DIS3: variants seen among roughly 807,000 people sequenced by gnomAD.
DIS3 encodes the protein DIS3 exosome endoribonuclease and 3'-5' exoribonuclease, also known as exosome complex exonuclease RRP44.
In DIS3, 103 loss-of-function variants were observed where a neutral mutation model predicts 113.0. That is an observed-to-expected ratio of 0.91 (90% CI 0.78 to 1.07). The LOEUF is 1.07. Ranked by LOEUF, DIS3 falls within the 50% of genes least tolerant of loss-of-function variation. The pLI, the probability that DIS3 is intolerant of heterozygous loss-of-function variation, is 0.00. For synonymous variants in DIS3, 402 were observed against 394.3 expected, an observed-to-expected ratio of 1.02 and a Z score of -0.23; for missense variants, 1,121 against 1,167.1, an observed-to-expected ratio of 0.96 and a Z score of 0.58.
In DIS3 at chr13:72,778,342, T is replaced by C; in HGVS notation, c.425A>G (p.Asn142Ser). 1.3e-6 allele frequency: 2 copies of C among 1,585,378 alleles called. No individual in the cohort carries two copies. The highest frequency in any genetic ancestry group is 1.1e-5 in the South Asian group (1 of 88,230). Residue 142 changes from asparagine to serine, a missense_variant, in exon 3 of 21, where the codon AAT becomes AGT. This residue lies in a region of DIS3 where 254 missense variants were observed against 232.2 expected (regional missense o/e 1.09). Transcript: ENST00000377767. ...TCGAATCGCTCTATCATTCCTGTCA[T>C]TAGCATTTTCTCCCTGTTCTTGTTC... ...YVEQEQGENANDRNDRAIRVA... is the reference protein window; with the variant it reads ...YVEQEQGENASDRNDRAIRVA...
chr13:72,753,645 T>C lies in DIS3; in HGVS notation c.*6150A>G. 1 of 1,578,162 alleles carries C rather than the reference T, an allele frequency of 6.3e-7. No homozygotes were observed. Among genetic ancestry groups the C allele is most frequent in the Non-Finnish European group, 8.6e-7 (1 of 1,158,294 alleles). ...TGGTTTACTTATTTAAATATTTGAC[T>C]TTTAAGTTCCTCACAATATATTTTT... is the stretch of plus-strand genomic sequence containing the variant. On this transcript the variant is annotated 3_prime_UTR_variant, in exon 21 of 21. Transcript: ENST00000377767.
chr13:72,781,669 G>A lies in DIS3; in HGVS notation c.164C>T (p.Pro55Leu), dbSNP rs1323428236. Residue 55 changes from proline (P) to leucine (L), a missense_variant, in exon 1 of 21, where the codon CCG becomes CTG. Pro to Leu is a moderately conservative substitution (Grantham distance 98, BLOSUM62 -3). Transcript: ENST00000377767. ...CGGTTGCGGGCAGACGCTGCTCGCC[G>A]GGTCCTGGGGCTGCGGCTCCAGGGC... is the stretch of plus-strand genomic sequence containing the variant. ...GPALEPQPQD[P>L]ASSVCPQPHY... 1.9e-6 allele frequency: 3 copies of A among 1,549,742 alleles called. No homozygotes were observed. Among genetic ancestry groups the A allele is most frequent in the Non-Finnish European group, 2.6e-6 (3 of 1,146,986 alleles).
intron 6 of DIS3, 47 bp downstream of exon 6, chr13:72,775,164 T>C (rs2033977636): frequency 6.6e-7 from 1 of 1,508,162 alleles, no homozygotes; most frequent in African/African-American, 1.4e-5. Context: ...GACATATTAA[T>C]AATACAAAGC....
At chr13:72,781,546 C>G (rs1474941307) in intron 1 of DIS3, 59 bp downstream of exon 1, 1 of 1,461,476 alleles carries the variant, frequency 6.8e-7, no homozygotes, top group African/African-American at 1.4e-5. Flanking sequence ...CTCAGTTTCC[C>G]TGTCATACCC....
intron 4 of DIS3, among the ~76,000 whole-genome samples, chr13:72,776,586 G>T (rs1247214530): frequency 6.6e-6 from 1 of 152,074 alleles, no homozygotes; most frequent in Non-Finnish European, 1.5e-5. Flanking sequence ...TATAACAAGG[G>T]CTACCATTTA....
At chr13:72,766,639 T>C (rs140312835) in intron 14 of DIS3, among the ~76,000 whole-genome samples, 107 of 152,310 alleles carry the variant, frequency 7.0e-4, no homozygotes, top group African/African-American at 2.5e-3. Context: ...AAACAATCCA[T>C]GCTCAGGACT....
Position 72,759,760 on chromosome 13 carries a change from A to G in DIS3, c.*35T>C, listed in dbSNP as rs1011672446. 2.4e-5 allele frequency: 37 copies of G among 1,567,222 alleles called. No homozygotes were observed. Among genetic ancestry groups the G allele is most frequent in the Non-Finnish European group, 3.2e-5 (37 of 1,147,062 alleles). Reference sequence around the variant, plus strand: ...TCTTTCAAGTTTTTTCTTTTAAAAAAGAAACCAGTCTTTGAAGATTTTTGT... The same window carrying G: ...TCTTTCAAGTTTTTTCTTTTAAAAAGGAAACCAGTCTTTGAAGATTTTTGT... On this transcript the variant is annotated 3_prime_UTR_variant, in exon 21 of 21. Coordinates refer to ENST00000377767, the MANE Select transcript of DIS3 (RefSeq NM_014953.5).
At position 72,765,978 on chromosome 13, in the gene DIS3, T is replaced by C. The variant is rs1378225653; in HGVS notation, c.1964A>G (p.Glu655Gly). ...CATCAAAAAAATTACAAACCTAAGT[T>C]CCTTGGTCTGCAGATCTATAGGATC... ...THDPIDLQTKELRETNSMVEE... is the reference protein window; with the variant it reads ...THDPIDLQTKGLRETNSMVEE... Residue 655 changes from glutamate (E) to glycine (G), a missense_variant, in exon 15 of 21, where the codon GAA becomes GGA. Coordinates refer to ENST00000377767, the MANE Select transcript of DIS3 (RefSeq NM_014953.5). The C allele has an allele frequency of 6.2e-7, 1 of 1,604,722 alleles. No individual in the cohort carries two copies. The highest frequency in any genetic ancestry group is 1.3e-5 in the African/African-American group (1 of 74,570).
In DIS3 at chr13:72,757,895, G is replaced by A. The variant is rs1256818111; in HGVS notation, c.*1900C>T. 4.9e-6 allele frequency: 1 copy of A among 203,984 alleles called. No homozygotes were observed. The highest frequency in any genetic ancestry group is 1.0e-5 in the Non-Finnish European group (1 of 99,608). The allele number at this position is 203,984 out of a possible 1,614,324, so 12.6% of individuals were successfully genotyped here. The stretch of plus-strand genomic sequence containing the variant: ...GGAGCTGAAAAATTCCTATTGCCTG[G>A]GGACACAGCCATGGTAACATCATAG... On this transcript the variant is annotated 3_prime_UTR_variant, in exon 21 of 21. Transcript: ENST00000377767.
Position 72,755,483 on chromosome 13 carries a change from A to G in DIS3, c.*4312T>C. On this transcript the variant is annotated 3_prime_UTR_variant, in exon 21 of 21. Coordinates refer to ENST00000377767, the MANE Select transcript of DIS3 (RefSeq NM_014953.5). The stretch of plus-strand genomic sequence containing the variant: ...GATGTGTTTAACAACAAATTGTGAC[A>G]GAGCTGAGTGCTCCTATCTTACAGG... The G allele has an allele frequency of 2.3e-6, 1 of 441,110 alleles. No homozygotes were observed. Among genetic ancestry groups the G allele is most frequent in the Non-Finnish European group, 4.0e-6 (1 of 249,944 alleles). 27.3% of individuals were successfully genotyped at this position (441,110 alleles called of 1,614,324 possible).
In DIS3 at chr13:72,756,199, T is replaced by G. The variant is rs2033467983; in HGVS notation, c.*3596A>C. ...GGAATAAAGACCTGTGTTATCAATGTGTCATTTTCTTCTTTCCTCCATAAC... is the reference window on the plus strand; with the variant it reads ...GGAATAAAGACCTGTGTTATCAATGGGTCATTTTCTTCTTTCCTCCATAAC... On this transcript the variant is annotated 3_prime_UTR_variant, in exon 21 of 21. Coordinates refer to ENST00000377767, the MANE Select transcript of DIS3 (RefSeq NM_014953.5). 5.2e-5 allele frequency: 3 copies of G among 57,876 alleles called. No homozygotes were observed. The highest frequency in any genetic ancestry group is 3.3e-4 in the Admixed American group (1 of 3,058). The allele number at this position is 57,876 out of a possible 1,614,324, so 3.6% of individuals were successfully genotyped here.
chr13:72,779,242 C>T (rs1270850085), intron 2 of DIS3, among the ~76,000 whole-genome samples: 2 of 151,710 alleles, frequency 1.3e-5, no homozygotes, highest in African/African-American at 4.9e-5. Flanking sequence ...AACTCAGCCT[C>T]GCAAGTAGCT....
chr13:72,755,251 A>G lies in DIS3; in HGVS notation c.*4544T>C. Reference sequence around the variant, plus strand: ...GTCAGAATCAAAGACTAAGCTTAAGAGTTCCTCGCATATATCGTTGTGCAC... The same window carrying G: ...GTCAGAATCAAAGACTAAGCTTAAGGGTTCCTCGCATATATCGTTGTGCAC... On this transcript the variant is annotated 3_prime_UTR_variant, in exon 21 of 21. Coordinates refer to ENST00000377767, the MANE Select transcript of DIS3 (RefSeq NM_014953.5). 3.9e-6 allele frequency: 6 copies of G among 1,540,550 alleles called. No individual in the cohort carries two copies. Among genetic ancestry groups the G allele is most frequent in the Non-Finnish European group, 5.4e-6 (6 of 1,114,908 alleles).
intron 2 of DIS3, among the ~76,000 whole-genome samples, chr13:72,778,837 C>T (rs1408058710): frequency 1.3e-5 from 2 of 152,054 alleles, no homozygotes; most frequent in Non-Finnish European, 2.9e-5. Context: ...ATAAATAATG[C>T]ATATAAATTA....
chr13:72,761,470 C>A lies in DIS3; in HGVS notation c.2563G>T (p.Val855Leu), dbSNP rs1321248984. The A allele has an allele frequency of 6.2e-7, 1 of 1,609,700 alleles. No homozygotes were observed. The highest frequency in any genetic ancestry group is 1.7e-5 in the Admixed American group (1 of 59,014). Residue 855 changes from valine to leucine, a missense_variant, in exon 19 of 21, where the codon GTA (valine) becomes TTA (leucine). Physicochemically the swap from Val to Leu is conservative, Grantham distance 32 (BLOSUM62 1). Transcript: ENST00000377767. Reference sequence around the variant, plus strand: ...AATACCACAATGGCATTCTTTCTTACAAATAAAATATAGGCTTCTTCACTT... The same window carrying A: ...AATACCACAATGGCATTCTTTCTTAAAAATAAAATATAGGCTTCTTCACTT... ...IVSEEAYILF[V>L]RKNAIVVLIP... is the part of the protein sequence containing the mutation.
intron 6 of DIS3, 71 bp from the exon 7 acceptor site, chr13:72,774,130 A>T (rs1297375279): frequency 2.1e-6 from 2 of 970,238 alleles, no homozygotes; most frequent in Admixed American, 2.4e-5. Flanking sequence ...TTTCAAAATC[A>T]AAATGCATAC....
chr13:72,763,360 A>G, intron 16 of DIS3, 91 bp downstream of exon 16: 1 of 1,425,990 alleles, frequency 7.0e-7, no homozygotes, highest in Non-Finnish European at 9.4e-7. Flanking sequence ...AACAAACAAT[A>G]AAACCTTTAT....
At chr13:72,773,060 T>A (rs1019978662) in intron 8 of DIS3, among the ~76,000 whole-genome samples, 2 of 152,230 alleles carry the variant, frequency 1.3e-5, no homozygotes, top group Admixed American at 1.3e-4. Context: ...ATCTATTTCT[T>A]ATTAATGTTC....
At position 72,776,044 on chromosome 13, in the gene DIS3, T is replaced by C; in HGVS notation, c.703A>G (p.Ser235Gly). Residue 235 changes from serine to glycine, a missense_variant, in exon 5 of 21, where the codon AGT becomes GGT. Ser to Gly is a moderately conservative substitution (Grantham distance 56). Transcript: ENST00000377767. ...KIIFSEHLPL[S>G]KLQQGIKSGT... ...GATTTTATGCCTTGCTGTAGCTTAC[T>C]TAAGGGAAGATGCTCTGAAAATATT... is the stretch of plus-strand genomic sequence containing the variant. 2 of 1,606,392 alleles carry C rather than the reference T, an allele frequency of 1.2e-6. No homozygotes were observed. Among genetic ancestry groups the C allele is most frequent in the South Asian group, 1.1e-5 (1 of 88,824 alleles).
Sources: allele counts gnomAD v4.1 joint callset (sites outside exome capture counted in the v4.1 genomes callset), GRCh38; gene constraint gnomAD v4.1.1; regional missense constraint gnomAD v4.1.1; transcripts MANE v1.5; gene names NCBI Gene and HGNC (gene_info 2026-07-23, HGNC 2026-07-21).